PRKG1: variants seen among roughly 807,000 people sequenced by gnomAD.
PRKG1 encodes the protein protein kinase cGMP-dependent 1.
PRKG1 carries 35 observed loss-of-function variants against 88.1 expected under a neutral mutation model. That is an observed-to-expected ratio of 0.40 (90% confidence interval 0.30 to 0.53). The LOEUF is 0.53. Ranked by LOEUF, PRKG1 falls within the 20% of genes least tolerant of loss-of-function variation. PRKG1 has a pLI of 0.59. For missense variants in PRKG1, 540 were observed against 839.8 expected, an observed-to-expected ratio of 0.64 and a Z score of 4.41; for synonymous variants, 303 against 292.5, an observed-to-expected ratio of 1.04 and a Z score of -0.37.
At chr10:52,106,727 A>AATG (rs1847433875) in intron 7 of PRKG1, among the ~76,000 whole-genome samples, 1 of 147,976 alleles carries the variant, frequency 6.8e-6, no homozygotes, top group Admixed American at 6.8e-5. Flanking sequence ...TAATAATAAT[A>AATG]ATAATAATAA....
intron 7 of PRKG1, among the ~76,000 whole-genome samples, chr10:52,092,835 G>C (rs1427237308): frequency 1.3e-5 from 2 of 152,142 alleles, no homozygotes; most frequent in East Asian, 3.8e-4. Context: ...GCAGAATGTT[G>C]AGCCAAATTG....
intron 2 of PRKG1, among the ~76,000 whole-genome samples, chr10:51,166,962 A>G (rs1459350586): frequency 6.6e-6 from 1 of 152,136 alleles, no homozygotes; most frequent in Non-Finnish European, 1.5e-5. Flanking sequence ...ATTATAATTC[A>G]TTTGATTATT....
At chr10:51,529,647 C>T (rs984064717) in intron 3 of PRKG1, among the ~76,000 whole-genome samples, 2 of 152,068 alleles carry the variant, frequency 1.3e-5, no homozygotes, top group African/African-American at 4.8e-5. Flanking sequence ...TCTTTCTTTC[C>T]TGACCCCCCT....
At chr10:51,456,609 TA>T (rs1428337238) in intron 2 of PRKG1, among the ~76,000 whole-genome samples, 2 of 151,996 alleles carry the variant, frequency 1.3e-5, no homozygotes, top group East Asian at 1.9e-4. Flanking sequence ...CCTAATAAAC[TA>T]AAAAGCTTCT....
chr10:51,084,491 G>A (rs1589140598), intron 1 of PRKG1, among the ~76,000 whole-genome samples: 1 of 152,218 alleles, frequency 6.6e-6, no homozygotes, highest in Non-Finnish European at 1.5e-5. Flanking sequence ...AATTACTTTT[G>A]CCTTTCTAAA....
At chr10:51,552,708 T>C (rs1837169568) in intron 3 of PRKG1, among the ~76,000 whole-genome samples, 1 of 151,644 alleles carries the variant, frequency 6.6e-6, no homozygotes, top group African/African-American at 2.4e-5. Context: ...TAGAAGCTGG[T>C]ATGAAATGTT....
intron 9 of PRKG1, among the ~76,000 whole-genome samples, chr10:52,171,786 ATTTTTTTTTT>A (rs545195374): frequency 4.3e-5 from 4 of 93,858 alleles, no homozygotes; most frequent in East Asian, 3.2e-4. Context: ...TTTTATCAAA[ATTTTTTTTTT>A]TTTTTTTTTT....
intron 3 of PRKG1, among the ~76,000 whole-genome samples, chr10:51,704,682 C>T (rs535669301): frequency 6.6e-6 from 1 of 152,140 alleles, no homozygotes; most frequent in East Asian, 1.9e-4. Context: ...TAGTAATAGC[C>T]AACGCAAGAA....
chr10:51,953,272 C>G (rs1048121477), intron 5 of PRKG1, among the ~76,000 whole-genome samples: 72 of 152,214 alleles, frequency 4.7e-4, no homozygotes, highest in African/African-American at 1.7e-3. Flanking sequence ...CTTCGCCCCC[C>G]AAAATCTCAC....
intron 2 of PRKG1, among the ~76,000 whole-genome samples, chr10:51,178,247 A>G (rs1837250183): frequency 1.3e-5 from 2 of 152,220 alleles, no homozygotes; most frequent in Non-Finnish European, 2.9e-5. Context: ...ATACATATGT[A>G]TTATAAATCT....
chr10:51,641,426 G>A (rs1340727957), intron 3 of PRKG1, among the ~76,000 whole-genome samples: 3 of 152,148 alleles, frequency 2.0e-5, no homozygotes, highest in African/African-American at 7.2e-5. Flanking sequence ...AGGTAAGGTA[G>A]TGGATAATGA....
intron 4 of PRKG1, among the ~76,000 whole-genome samples, chr10:51,874,615 C>T (rs895896421): frequency 6.6e-6 from 1 of 152,156 alleles, no homozygotes; most frequent in African/African-American, 2.4e-5. Context: ...TAGCCCATTT[C>T]CTAAAAGAAA....
intron 3 of PRKG1, among the ~76,000 whole-genome samples, chr10:51,637,054 A>G (rs561066092): frequency 6.6e-6 from 1 of 152,096 alleles, no homozygotes; most frequent in Non-Finnish European, 1.5e-5. Flanking sequence ...TCTTCTAAAA[A>G]CCTTCTCCAT....
intron 7 of PRKG1, among the ~76,000 whole-genome samples, chr10:52,099,728 T>C (rs936629079): frequency 3.9e-5 from 6 of 152,154 alleles, no homozygotes; most frequent in African/African-American, 1.4e-4. Flanking sequence ...ACTGTTAGGG[T>C]TGCTTTTGGA....
intron 2 of PRKG1, among the ~76,000 whole-genome samples, chr10:51,289,261 C>T (rs947533010): frequency 3.7e-4 from 57 of 152,128 alleles, no homozygotes; most frequent in African/African-American, 1.3e-3. Context: ...TGCTTAGGAC[C>T]GCCTCTCTTA....
At chr10:51,330,874 G>A (rs1841722579) in intron 2 of PRKG1, among the ~76,000 whole-genome samples, 1 of 152,184 alleles carries the variant, frequency 6.6e-6, no homozygotes, top group South Asian at 2.1e-4. Flanking sequence ...CATATTTGAG[G>A]AATTAGGTAT....
chr10:51,234,571 A>G (rs1230185959), intron 2 of PRKG1, among the ~76,000 whole-genome samples: 1 of 152,202 alleles, frequency 6.6e-6, no homozygotes, highest in Admixed American at 6.5e-5. Flanking sequence ...TCATTAATAC[A>G]TAGCATTAAT....
intron 1 of PRKG1, among the ~76,000 whole-genome samples, chr10:51,067,283 T>TATAC (rs1162087318): frequency 6.6e-6 from 1 of 151,176 alleles, no homozygotes; most frequent in Non-Finnish European, 1.5e-5. Context: ...TATATATATA[T>TATAC]ATATATATAT....
At chr10:51,302,944 G>A (rs1554792456) in intron 2 of PRKG1, 3 of 152,160 alleles carry the variant, frequency 2.0e-5, no homozygotes, top group Non-Finnish European at 4.4e-5. Context: ...CACAGCCTGT[G>A]CGGTGGAGCT....
Sources: allele counts gnomAD v4.1 joint callset (sites outside exome capture counted in the v4.1 genomes callset), GRCh38; gene constraint gnomAD v4.1.1; transcripts MANE v1.5; gene names NCBI Gene and HGNC (gene_info 2026-07-23, HGNC 2026-07-21).